The following LRRFIP2 variants were observed in gnomAD, a reference collection of about 807,000 sequenced individuals.
LRRFIP2 encodes LRR binding FLII interacting protein 2, also known as leucine-rich repeat flightless-interacting protein 2.
In LRRFIP2, 109 loss-of-function variants were observed where a neutral mutation model predicts 125.9. The ratio of observed to expected loss-of-function variants is 0.87; its 90% confidence interval spans 0.74 to 1.01. The LOEUF is 1.01. Among genes scored for constraint, LRRFIP2 ranks in the 50% least tolerant of loss-of-function variants. The pLI, the probability that LRRFIP2 is intolerant of heterozygous loss-of-function variation, is 0.00. For synonymous variants in LRRFIP2, 291 were observed against 293.1 expected (o/e 0.99, Z 0.07); for missense variants, 850 against 862.3 (o/e 0.99, Z 0.18).
intron 2 of LRRFIP2, among the ~76,000 whole-genome samples, chr3:37,141,912 T>C (rs769708888): frequency 1.3e-5 from 2 of 152,108 alleles, no homozygotes; most frequent in African/African-American, 2.4e-5. Flanking sequence ...CTCCAGCCAG[T>C]TTCCTCTGGG....
At chr3:37,135,337 T>C (rs1386347992) in intron 2 of LRRFIP2, among the ~76,000 whole-genome samples, 1 of 151,628 alleles carries the variant, frequency 6.6e-6, no homozygotes, top group Non-Finnish European at 1.5e-5. Context: ...CGTGAACCTG[T>C]AATCCCAGCT....
intron 4 of LRRFIP2, among the ~76,000 whole-genome samples, chr3:37,122,065 C>T (rs1259447599): frequency 1.8e-5 from 2 of 108,438 alleles, no homozygotes; most frequent in Non-Finnish European, 3.6e-5. Flanking sequence ...CTATCCCTCC[C>T]CCCTCCCCCC....
intron 15 of LRRFIP2, among the ~76,000 whole-genome samples, chr3:37,099,652 GGTTT>G (rs2093914362): frequency 6.6e-6 from 1 of 152,012 alleles, no homozygotes; most frequent in African/African-American, 2.4e-5. Flanking sequence ...TTTAGAAATG[GGTTT>G]AATTATTAAC....
intron 1 of LRRFIP2, among the ~76,000 whole-genome samples, chr3:37,159,506 A>G (rs2096277911): frequency 6.6e-6 from 1 of 151,828 alleles, no homozygotes; most frequent in Admixed American, 6.6e-5. Context: ...TGAGTTTGTT[A>G]CTTTCTCTTT....
chr3:37,131,142 C>G (rs556320036), intron 2 of LRRFIP2, among the ~76,000 whole-genome samples: 85 of 152,198 alleles, frequency 5.6e-4, no homozygotes, highest in African/African-American at 1.8e-3. Flanking sequence ...AATGTATCTC[C>G]CATGGATTGG....
intron 16 of LRRFIP2, 59 bp from the exon 17 acceptor site, chr3:37,094,967 G>T: frequency 8.8e-7 from 1 of 1,139,702 alleles, no homozygotes; most frequent in Non-Finnish European, 1.3e-6. Flanking sequence ...GTTTGCTGTG[G>T]AAACTAAAAA....
intron 1 of LRRFIP2, among the ~76,000 whole-genome samples, chr3:37,164,914 T>C (rs1310659438): frequency 6.6e-6 from 1 of 152,070 alleles, no homozygotes; most frequent in East Asian, 1.9e-4. Context: ...TACAGGATGC[T>C]ACTCCCATAA....
rs1193105953 is a variant in LRRFIP2 at position 37,065,861 on chromosome 3, C to CG, written c.1647_1648insC (p.Val550ArgfsTer36). The CG allele has an allele frequency of 6.2e-7, 1 of 1,614,066 alleles. No individual in the cohort carries two copies. Among genetic ancestry groups the CG allele is most frequent in the African/African-American group, 1.3e-5 (1 of 74,936 alleles). ...AAGACCTGAGCAGCTTCCTGAGACA[C>CG]AACAGTGATGGCTCCAGCCACTGGT... On this transcript the variant is annotated frameshift_variant, in exon 23 of 28. Transcript: ENST00000336686. LOFTEE classifies it high-confidence loss of function.
intron 19 of LRRFIP2, among the ~76,000 whole-genome samples, chr3:37,075,955 TTTAAA>T (rs1264385728): frequency 6.6e-6 from 1 of 152,032 alleles, no homozygotes; most frequent in Non-Finnish European, 1.5e-5. Flanking sequence ...AGGAAAGACT[TTTAAA>T]TTAGTAATGT....
At chr3:37,155,781 T>C (rs1318125459) in intron 1 of LRRFIP2, among the ~76,000 whole-genome samples, 1 of 152,240 alleles carries the variant, frequency 6.6e-6, no homozygotes, top group African/African-American at 2.4e-5. Flanking sequence ...TCTGCTACTT[T>C]AAACTGCAAC....
At chr3:37,128,778 C>T (rs991332142) in intron 3 of LRRFIP2, among the ~76,000 whole-genome samples, 1 of 152,162 alleles carries the variant, frequency 6.6e-6, no homozygotes, top group African/African-American at 2.4e-5. Flanking sequence ...AGCTATACTA[C>T]ACTTTGTCAT....
chr3:37,115,863 G>A (rs2094758898), intron 6 of LRRFIP2, among the ~76,000 whole-genome samples: 1 of 152,078 alleles, frequency 6.6e-6, no homozygotes, highest in African/African-American at 2.4e-5. Context: ...ATAGATTTAT[G>A]GTTTTCACAC....
At chr3:37,063,523 TA>T (rs942275536) in intron 24 of LRRFIP2, among the ~76,000 whole-genome samples, 1 of 152,056 alleles carries the variant, frequency 6.6e-6, no homozygotes, top group African/African-American at 2.4e-5. Flanking sequence ...ACAAGCTTTG[TA>T]AAAAACTATA....
chr3:37,109,736 A>T, intron 9 of LRRFIP2, 33 bp from the exon 10 acceptor site: 1 of 1,597,676 alleles, frequency 6.3e-7, no homozygotes, highest in Non-Finnish European at 8.6e-7. Context: ...ATAAGCAAAA[A>T]CAAAAACAAA....
chr3:37,142,918 C>A (rs1478640861), intron 2 of LRRFIP2, among the ~76,000 whole-genome samples: 1 of 152,142 alleles, frequency 6.6e-6, no homozygotes, highest in Non-Finnish European at 1.5e-5. Context: ...GAGATGTAAT[C>A]CCCAGTGTTG....
chr3:37,164,849 G>C (rs1027499078), intron 1 of LRRFIP2, among the ~76,000 whole-genome samples: 4 of 152,096 alleles, frequency 2.6e-5, no homozygotes, highest in African/African-American at 9.7e-5. Context: ...CTTCCCCCAT[G>C]AATGTAGGTG....
At chr3:37,104,840 GTCT>G (rs911397073) in intron 14 of LRRFIP2, among the ~76,000 whole-genome samples, 15 of 151,304 alleles carry the variant, frequency 9.9e-5, no homozygotes, top group African/African-American at 3.6e-4. Flanking sequence ...AAGTTCACAA[GTCT>G]TTTTTTTTTT....
chr3:37,068,622 C>G (rs1340353872), intron 21 of LRRFIP2: 1 of 152,162 alleles, frequency 6.6e-6, no homozygotes, highest in Non-Finnish European at 1.5e-5. Context: ...TTGTGTGCAA[C>G]AATAGCTCCT....
intron 1 of LRRFIP2, among the ~76,000 whole-genome samples, chr3:37,172,532 T>C (rs998479070): frequency 3.3e-5 from 5 of 152,162 alleles, no homozygotes; most frequent in Non-Finnish European, 4.4e-5. Flanking sequence ...TTTCATCATA[T>C]ACCACCTTTT....
Sources: allele counts gnomAD v4.1 joint callset (sites outside exome capture counted in the v4.1 genomes callset), GRCh38; gene constraint gnomAD v4.1.1; transcripts MANE v1.5; gene names NCBI Gene and HGNC (gene_info 2026-07-23, HGNC 2026-07-21).